NUP210: variants seen among roughly 807,000 people sequenced by gnomAD.
NUP210 encodes nucleoporin 210.
A neutral mutation model predicts 196.0 loss-of-function variants in NUP210; 151 were observed. The ratio of observed to expected loss-of-function variants is 0.77; its 90% CI spans 0.67 to 0.88. The LOEUF (loss-of-function observed/expected upper bound fraction) is 0.88. NUP210 is among the 40% of genes least tolerant of loss of function. The pLI is 0.00. For missense variants in NUP210, 2,314 were observed against 2,493.7 expected (o/e 0.93, Z 1.53); for synonymous variants, 1,070 against 1,052.7 (o/e 1.02, Z -0.32).
chr3:13,334,870 C>T (rs755749441), intron 28 of NUP210, among the ~76,000 whole-genome samples: 2 of 152,204 alleles, frequency 1.3e-5, no homozygotes, highest in Non-Finnish European at 2.9e-5. Flanking sequence ...GAACAAGGCG[C>T]CTCCCTCTCT....
intron 14 of NUP210, among the ~76,000 whole-genome samples, chr3:13,364,883 T>G (rs1194790690): frequency 1.3e-5 from 2 of 152,188 alleles, no homozygotes; most frequent in Non-Finnish European, 2.9e-5. Context: ...ATCACCAGGC[T>G]TGCTTCCAAT....
chr3:13,366,444 T>C (rs1215743286), intron 13 of NUP210, among the ~76,000 whole-genome samples: 2 of 151,674 alleles, frequency 1.3e-5, no homozygotes, highest in Non-Finnish European at 2.9e-5. Flanking sequence ...GAAATCACCT[T>C]TGGTGGGGAA....
chr3:13,367,292 G>A (rs767630861), intron 13 of NUP210, among the ~76,000 whole-genome samples: 17 of 150,860 alleles, frequency 1.1e-4, no homozygotes, highest in African/African-American at 1.7e-4. Context: ...AGAATTAGCC[G>A]CGTGTGGTGG....
At position 13,319,264 on chromosome 3, in the gene NUP210, G is replaced by A. The variant is rs200679598; in HGVS notation, c.5445C>T (p.Phe1815=). Residue 1815 remains phenylalanine (F), a synonymous_variant, in exon 38 of 40, where the codon TTC becomes TTT. Coordinates refer to ENST00000254508, the MANE Select transcript of NUP210 (RefSeq NM_024923.4). ...TGACCGCTGTCCCAGCCAACAGGGCGAAGAGCGTGAAGAACATGACCTGGT... is the reference window on the plus strand; with the variant it reads ...TGACCGCTGTCCCAGCCAACAGGGCAAAGAGCGTGAAGAACATGACCTGGT... ...DSYQVMFFTL[F]ALLAGTAVMI... 34 of 1,613,302 alleles carry A rather than the reference G, an allele frequency of 2.1e-5. No homozygotes were observed. In the Admixed American group the frequency reaches 2.2e-4, roughly 10 times the overall value.
chr3:13,343,342 G>GGGGGGGGGGGC, intron 20 of NUP210, 39 bp from the exon 21 acceptor site: 5 of 655,978 alleles, frequency 7.6e-6, no homozygotes, highest in Non-Finnish European at 1.0e-5. Context: ...TGGGTGGTGG[G>GGGGGGGGGGGC]TTACGCAGCT....
chr3:13,357,916 T>C (rs1252643830), intron 16 of NUP210, among the ~76,000 whole-genome samples: 1 of 152,136 alleles, frequency 6.6e-6, no homozygotes. Context: ...AGACAACAAG[T>C]TGTTTTTAAA....
At chr3:13,390,651 C>G (rs1699457926) in intron 4 of NUP210, among the ~76,000 whole-genome samples, 1 of 152,260 alleles carries the variant, frequency 6.6e-6, no homozygotes. Flanking sequence ...GGAGCTCAGA[C>G]AAGCGGCTCG....
chr3:13,338,013 A>C (rs1396878575), intron 25 of NUP210, 96 bp from the exon 26 acceptor site: 47 of 1,187,278 alleles, frequency 4.0e-5, no homozygotes, highest in Non-Finnish European at 5.1e-5. Flanking sequence ...TGCGGCTCAG[A>C]GTCTGTGGCG....
chr3:13,366,825 T>TA (rs1378930899), intron 13 of NUP210, among the ~76,000 whole-genome samples: 1 of 151,348 alleles, frequency 6.6e-6, no homozygotes, highest in African/African-American at 2.4e-5. Context: ...CCCTGATTTT[T>TA]AAAAAAATAT....
At chr3:13,331,404 C>T (rs1214401210) in intron 29 of NUP210, among the ~76,000 whole-genome samples, 1 of 152,158 alleles carries the variant, frequency 6.6e-6, no homozygotes, top group African/African-American at 2.4e-5. Flanking sequence ...ATGTTATTGC[C>T]TCTGCCTAAA....
intron 30 of NUP210, among the ~76,000 whole-genome samples, chr3:13,329,475 A>G (rs1696909908): frequency 6.6e-6 from 1 of 152,188 alleles, no homozygotes; most frequent in African/African-American, 2.4e-5. Flanking sequence ...CTCAAAAGCT[A>G]GTGCTCCAAA....
intron 14 of NUP210, among the ~76,000 whole-genome samples, chr3:13,363,793 T>C (rs1215649727): frequency 1.3e-5 from 2 of 152,194 alleles, no homozygotes; most frequent in East Asian, 3.9e-4. Context: ...GCCACCTCCC[T>C]GAGGGACATG....
At chr3:13,410,635 A>T (rs979299297) in intron 1 of NUP210, among the ~76,000 whole-genome samples, 1 of 144,694 alleles carries the variant, frequency 6.9e-6, no homozygotes. Flanking sequence ...AAAAACAAAA[A>T]GGCCGGGCAC....
At chr3:13,387,825 G>A (rs1205531227) in intron 5 of NUP210, among the ~76,000 whole-genome samples, 1 of 140,970 alleles carries the variant, frequency 7.1e-6, no homozygotes, top group Non-Finnish European at 1.6e-5. Context: ...GAAGACATGG[G>A]ATCGGCTGGG....
At chr3:13,405,563 T>C (rs1699979338) in intron 1 of NUP210, among the ~76,000 whole-genome samples, 1 of 151,914 alleles carries the variant, frequency 6.6e-6, no homozygotes, top group Non-Finnish European at 1.5e-5. Context: ...GCATATGAGC[T>C]ATATATATAT....
chr3:13,345,139 G>A, intron 20 of NUP210: 1 of 985,444 alleles, frequency 1.0e-6, no homozygotes, highest in Middle Eastern at 5.2e-4. Context: ...CCGCTGCTCT[G>A]AGTAATTCTG....
intron 1 of NUP210, among the ~76,000 whole-genome samples, chr3:13,401,601 A>G (rs569177410): frequency 9.2e-5 from 14 of 152,174 alleles, no homozygotes; most frequent in Non-Finnish European, 1.9e-4. Context: ...ACAAGCCCAC[A>G]CAGGAGACAA....
chr3:13,342,861 G>A (rs1697568226), intron 21 of NUP210, among the ~76,000 whole-genome samples: 1 of 152,224 alleles, frequency 6.6e-6, no homozygotes, highest in Non-Finnish European at 1.5e-5. Flanking sequence ...AGCAGGGCAT[G>A]TGCCTCGTTG....
intron 25 of NUP210, 75 bp downstream of exon 25, chr3:13,339,779 A>G (rs1697384294): frequency 1.5e-6 from 2 of 1,345,518 alleles, no homozygotes; most frequent in Non-Finnish European, 2.1e-6. Context: ...TGGTCCTCAG[A>G]GGTAGAACTC....
Sources: allele counts gnomAD v4.1 joint callset (sites outside exome capture counted in the v4.1 genomes callset), GRCh38; gene constraint gnomAD v4.1.1; transcripts MANE v1.5; gene names NCBI Gene and HGNC (gene_info 2026-07-23, HGNC 2026-07-21).